ABCA13: variants seen among roughly 807,000 people sequenced by gnomAD.
ABCA13 encodes ATP-binding cassette sub-family A member 13.
In ABCA13, 476 loss-of-function variants were observed where a neutral mutation model predicts 478.7. The ratio of observed to expected loss-of-function variants is 0.99; its 90% confidence interval spans 0.92 to 1.07. ABCA13 has a LOEUF of 1.07. ABCA13 is among the 50% of genes least tolerant of loss of function. The pLI, the probability that ABCA13 is intolerant of heterozygous loss-of-function variation, is 0.00. For missense variants in ABCA13, 6,060 were observed against 5,910.6 expected (o/e 1.03, Z -0.83); for synonymous variants, 2,252 against 2,158.9 (o/e 1.04, Z -1.20).
intron 45 of ABCA13, among the ~76,000 whole-genome samples, chr7:48,471,940 A>T (rs1363313666): frequency 6.6e-6 from 1 of 152,130 alleles, no homozygotes; most frequent in Non-Finnish European, 1.5e-5. Context: ...AGGCAGCATG[A>T]CCTCAAGGTT....
intron 48 of ABCA13, among the ~76,000 whole-genome samples, chr7:48,501,962 CT>C (rs1392841276): frequency 6.6e-6 from 1 of 152,156 alleles, no homozygotes; most frequent in Admixed American, 6.5e-5. Flanking sequence ...CACAACATTC[CT>C]CTGATTCTGT....
chr7:48,350,884 G>A, intron 30 of ABCA13, 65 bp downstream of exon 30: 1 of 1,520,728 alleles, frequency 6.6e-7, no homozygotes, highest in South Asian at 1.2e-5. Context: ...CATTTTGGGA[G>A]TTTCTCCCTA....
At chr7:48,306,714 T>A (rs999128552) in intron 23 of ABCA13, among the ~76,000 whole-genome samples, 3 of 152,202 alleles carry the variant, frequency 2.0e-5, no homozygotes, top group Non-Finnish European at 4.4e-5. Context: ...TAATATCCTT[T>A]CTTAAAGACT....
intron 59 of ABCA13, among the ~76,000 whole-genome samples, chr7:48,632,915 A>C (rs1231260790): frequency 6.6e-6 from 1 of 152,204 alleles, no homozygotes; most frequent in Non-Finnish European, 1.5e-5. Context: ...GTTAATACAA[A>C]AAAATTACTG....
intron 23 of ABCA13, among the ~76,000 whole-genome samples, chr7:48,303,204 AT>A (rs1247814055): frequency 3.9e-4 from 59 of 151,600 alleles, no homozygotes; most frequent in African/African-American, 1.3e-3. Flanking sequence ...TTTCTTGTAA[AT>A]TTTTTTTAAG....
rs1022256269 is a variant in ABCA13, at chr7:48,227,369, T to A, written c.576T>A (p.His192Gln). ...TACTGCCGAGACTACACACAAGCCA[T>A]GATCATGTGGAAGATGGCATGGATG... Reference protein sequence around the residue: ...LLLLPRLHTSHDHVEDGMDVA... With the variant: ...LLLLPRLHTSQDHVEDGMDVA... The change falls in exon 6 of 62, where the codon CAT becomes CAA. Residue 192 changes from histidine to glutamine, a missense_variant. By Grantham distance (24) the His-to-Gln change is conservative. Coordinates refer to ENST00000435803, the MANE Select transcript of ABCA13 (RefSeq NM_152701.5). 1 of 1,613,894 alleles carries A rather than the reference T, an allele frequency of 6.2e-7. No homozygotes were observed. Among genetic ancestry groups the A allele is most frequent in the African/African-American group, 1.3e-5 (1 of 74,920 alleles).
In ABCA13 at chr7:48,221,299, G is replaced by GT. The variant is rs1180724229; in HGVS notation, c.465dup (p.Thr156TyrfsTer6). 9 of 1,162,268 alleles carry GT rather than the reference G, an allele frequency of 7.7e-6. No individual in the cohort carries two copies. Among genetic ancestry groups the GT allele is most frequent in the African/African-American group, 1.5e-5 (1 of 64,616 alleles). The allele number at this position is 1,162,268 out of a possible 1,614,324, so 72.0% of individuals were successfully genotyped here. ...ATTATAGATTCTTCTTATGGTTCCA[G>GT]TTTTTTTACAGTAAGTATCTTAACA... On this transcript the variant is annotated frameshift_variant, in exon 5 of 62. Transcript: ENST00000435803. LOFTEE classifies it high-confidence loss of function.
chr7:48,363,408 G>A (rs1811188843), intron 31 of ABCA13, among the ~76,000 whole-genome samples: 1 of 152,072 alleles, frequency 6.6e-6, no homozygotes, highest in South Asian at 2.1e-4. Flanking sequence ...TTTTATAAGA[G>A]TATGTTTCAT....
At chr7:48,399,045 G>A (rs1817238788) in intron 38 of ABCA13, among the ~76,000 whole-genome samples, 1 of 152,130 alleles carries the variant, frequency 6.6e-6, no homozygotes, top group Admixed American at 6.6e-5. Flanking sequence ...ACCTCTGGAA[G>A]AGCAATTTTA....
At chr7:48,533,580 GACAGTGGAGTATTA>G (rs1833381515) in intron 55 of ABCA13, among the ~76,000 whole-genome samples, 1 of 152,066 alleles carries the variant, frequency 6.6e-6, no homozygotes, top group Non-Finnish European at 1.5e-5. Context: ...GACTAGTGCA[GACAGTGGAGTATTA>G]AAGTCCTCCA....
At position 48,275,739 on chromosome 7, in the gene ABCA13, T is replaced by C; in HGVS notation, c.6073T>C (p.Leu2025=). The C allele has an allele frequency of 6.2e-7, 1 of 1,607,720 alleles. No individual in the cohort carries two copies. The highest frequency in any genetic ancestry group is 8.5e-7 in the Non-Finnish European group (1 of 1,176,416). ...AAAAAGTACGCATAATCTACTCTCT[T>C]TATTCATGATGCTCCAGAATGCAAA... ...LEKSTHNLLS[L]FMMLQNANVT... is the part of the protein sequence containing the mutation. Residue 2025 remains leucine (L), a synonymous_variant, in exon 17 of 62, where the codon TTA becomes CTA. Coordinates refer to ENST00000435803, the MANE Select transcript of ABCA13 (RefSeq NM_152701.5).
intron 48 of ABCA13, among the ~76,000 whole-genome samples, chr7:48,496,879 A>G (rs1830323415): frequency 6.6e-6 from 1 of 151,836 alleles, no homozygotes. Flanking sequence ...ATTAGTTTCT[A>G]GAAATTTAAT....
At chr7:48,296,154 C>T (rs1220256859) in intron 21 of ABCA13, among the ~76,000 whole-genome samples, 1 of 152,138 alleles carries the variant, frequency 6.6e-6, no homozygotes, top group African/African-American at 2.4e-5. Flanking sequence ...TAATGGGAGG[C>T]TGATGTGGGA....
At chr7:48,442,413 C>CA (rs751528829) in intron 42 of ABCA13, among the ~76,000 whole-genome samples, 13 of 152,234 alleles carry the variant, frequency 8.5e-5, no homozygotes, top group Non-Finnish European at 1.6e-4. Flanking sequence ...CATCCAGGCA[C>CA]AATGCCTATA....
chr7:48,377,573 A>G (rs955391423), intron 35 of ABCA13, among the ~76,000 whole-genome samples: 6 of 152,216 alleles, frequency 3.9e-5, no homozygotes, highest in African/African-American at 7.2e-5. Flanking sequence ...GGGTAAACAT[A>G]AAAATAATAT....
chr7:48,416,259 G>T (rs1819966641), intron 41 of ABCA13, among the ~76,000 whole-genome samples: 1 of 152,116 alleles, frequency 6.6e-6, no homozygotes, highest in East Asian at 1.9e-4. Flanking sequence ...CTGTCACTGT[G>T]GCCACAGAGG....
chr7:48,241,198 G>C, intron 10 of ABCA13, 132 bp downstream of exon 10: 1 of 1,127,830 alleles, frequency 8.9e-7, no homozygotes, highest in East Asian at 2.6e-5. Flanking sequence ...TAGCAAATGG[G>C]AAATCAGAGG....
intron 42 of ABCA13, among the ~76,000 whole-genome samples, chr7:48,435,405 A>G (rs1026509622): frequency 7.2e-5 from 11 of 151,786 alleles, no homozygotes; most frequent in African/African-American, 2.4e-4. Flanking sequence ...TTTTGTGTTT[A>G]TGTGTATGTA....
chr7:48,463,862 GGGAGGAAT>G (rs1198463419), intron 43 of ABCA13, among the ~76,000 whole-genome samples: 1 of 152,072 alleles, frequency 6.6e-6, no homozygotes. Flanking sequence ...AAGGGAGGAA[GGGAGGAAT>G]GGAGGAAGGA....
Sources: allele counts gnomAD v4.1 joint callset (sites outside exome capture counted in the v4.1 genomes callset), GRCh38; gene constraint gnomAD v4.1.1; transcripts MANE v1.5; gene names NCBI Gene and HGNC (gene_info 2026-07-23, HGNC 2026-07-21).